Variants in NRG2 observed in about 807,000 individuals in gnomAD.
NRG2 encodes the protein pro-neuregulin-2, membrane-bound isoform.
A neutral mutation model predicts 73.9 loss-of-function variants in NRG2; 27 were observed. The observed-to-expected ratio is 0.37, with a 90% confidence interval of 0.27 to 0.50. The LOEUF (loss-of-function observed/expected upper bound fraction) is 0.50. Among genes scored for constraint, NRG2 ranks in the 20% least tolerant of loss-of-function variants. The pLI is 0.96. For synonymous variants in NRG2, 532 were observed against 541.0 expected (o/e 0.98, Z 0.23); for missense variants, 1,126 against 1,210.1 (o/e 0.93, Z 1.03).
intron 9 of NRG2, 78 bp from the exon 10 acceptor site, chr5:139,848,775 G>GGGGGGGGGGGT: frequency 3.3e-6 from 2 of 601,720 alleles, no homozygotes; most frequent in Non-Finnish European, 2.4e-6. Context: ...GTGGGGTAGG[G>GGGGGGGGGGGT]TGGGAGGGGC....
chr5:139,848,200 C>T lies in NRG2; in HGVS notation c.2270G>A (p.Arg757Gln), dbSNP rs1412099217. 4 of 1,315,340 alleles carry T rather than the reference C, an allele frequency of 3.0e-6. No individual in the cohort carries two copies. The highest frequency in any genetic ancestry group is 4.0e-5 in the South Asian group (2 of 49,936). The allele number at this position is 1,315,340 out of a possible 1,614,324, so 81.5% of individuals were successfully genotyped here. The change falls in exon 10 of 10, where the codon CGG (arginine) becomes CAG (glutamine). Residue 757 changes from arginine (R) to glutamine (Q), a missense_variant. Physicochemically the swap from Arg to Gln is conservative, Grantham distance 43. Transcript: ENST00000361474. ...CAGCGACAGCGAGTCCCTCGCCGCC[C>T]GTGCGCGCTGCGCCGCCAGCCCGTT... ...RLNGLAAQRA[R>Q]AARDSLSLSS...
Position 140,042,660 on chromosome 5 carries a change from C to G in NRG2, c.410G>C (p.Gly137Ala). Reference protein sequence around the residue: ...APVVVEGKVQGLVPAGGSSSN... With the variant: ...APVVVEGKVQALVPAGGSSSN... ...GCTGGAGCCGCCGGCTGGGACCAGC[C>G]CCTGTACCTTGCCCTCCACCACCAC... The change falls in exon 1 of 10, where the codon GGG becomes GCG. Residue 137 changes from glycine to alanine, a missense_variant. Around this residue, in one of 3 missense-constraint regions of NRG2, gnomAD observed 539 missense variants for 703.2 expected, o/e 0.77. Coordinates refer to ENST00000361474, the MANE Select transcript of NRG2 (RefSeq NM_004883.3). The G allele has an allele frequency of 6.3e-7, 1 of 1,596,302 alleles. No homozygotes were observed. Among genetic ancestry groups the G allele is most frequent in the Non-Finnish European group, 8.5e-7 (1 of 1,172,400 alleles).
Position 140,042,995 on chromosome 5 carries a change from G to C in NRG2, c.75C>G (p.Ser25Arg). The C allele has an allele frequency of 6.4e-7, 1 of 1,563,006 alleles. No individual in the cohort carries two copies. ...TGCTCCTCTCGCTGCTGCTGCTGCTGCTGTCGCTGTAGCTGCTGCACCGAC... is the reference window on the plus strand; with the variant it reads ...TGCTCCTCTCGCTGCTGCTGCTGCTCCTGTCGCTGTAGCTGCTGCACCGAC... ...EKGRCSSYSD[S>R]SSSSSERSSS... Residue 25 changes from serine (S) to arginine (R), a missense_variant, in exon 1 of 10, where the codon AGC (serine) becomes AGG (arginine). This residue lies in a region of NRG2 where 185 missense variants were observed against 149.0 expected (regional missense o/e 1.24). Transcript: ENST00000361474.
At chr5:139,867,801 AG>A (rs1762575605) in intron 4 of NRG2, among the ~76,000 whole-genome samples, 38 of 79,536 alleles carry the variant, frequency 4.8e-4, no homozygotes, top group African/African-American at 1.9e-3. Flanking sequence ...TGTGTGTATG[AG>A]TGTGTGTGTG....
chr5:139,990,892 C>T (rs1034969342), intron 1 of NRG2, among the ~76,000 whole-genome samples: 1 of 152,134 alleles, frequency 6.6e-6, no homozygotes, highest in Admixed American at 6.6e-5. Context: ...GTATCCTTAA[C>T]ACTAATCCTT....
At chr5:139,909,096 C>A (rs1411572022) in intron 1 of NRG2, among the ~76,000 whole-genome samples, 1 of 152,198 alleles carries the variant, frequency 6.6e-6, no homozygotes, top group Non-Finnish European at 1.5e-5. Context: ...CCAAAAAGAC[C>A]CACCCTATTT....
chr5:140,042,314 T>A (rs1245733233), intron 1 of NRG2, 56 bp downstream of exon 1: 1,012 of 453,776 alleles, frequency 2.2e-3, no homozygotes, highest in Non-Finnish European at 2.7e-3. Flanking sequence ...CCCACCCCCA[T>A]TCTCCACCAC....
intron 1 of NRG2, among the ~76,000 whole-genome samples, chr5:139,910,831 C>T (rs1035384587): frequency 1.3e-5 from 2 of 152,140 alleles, no homozygotes; most frequent in African/African-American, 4.8e-5. Context: ...CTTCAGCCCA[C>T]CCAATCCCAA....
Position 139,853,785 on chromosome 5 carries a change from G to A in NRG2, c.1293-758C>T, listed in dbSNP as rs1761629400. Among the ~76,000 whole-genome samples the A allele has an allele frequency of 1.3e-5, 2 of 152,146 alleles. No homozygotes were observed. The highest frequency in any genetic ancestry group is 4.8e-5 in the African/African-American group (2 of 41,420). On this transcript the variant is annotated intron_variant, in intron 6 of 9. Transcript: ENST00000361474. This position sits in a 1 kb window ranked among gnomAD's most constrained non-coding sequence, Gnocchi z 4.1. ...ACCAGAGGCTGGGAAAGGAAGTGGG[G>A]GGTTGGGAGGGAGGTGGGGATGGTT...
intron 4 of NRG2, among the ~76,000 whole-genome samples, chr5:139,866,090 T>C (rs1383984331): frequency 6.6e-6 from 1 of 152,130 alleles, no homozygotes; most frequent in Non-Finnish European, 1.5e-5. Flanking sequence ...GGGCAGGTTT[T>C]CTCATCCAAG....
intron 1 of NRG2, among the ~76,000 whole-genome samples, chr5:139,983,019 G>T (rs1395499262): frequency 6.6e-6 from 1 of 152,198 alleles, no homozygotes; most frequent in Non-Finnish European, 1.5e-5. Flanking sequence ...TAACCTCTCT[G>T]ACAGCTCAGG....
In NRG2 at chr5:139,847,950, G is replaced by A; in HGVS notation, c.2520C>T (p.Pro840=). Residue 840 remains proline (P), a synonymous_variant, in exon 10 of 10, where the codon CCC becomes CCT. Coordinates refer to ENST00000361474, the MANE Select transcript of NRG2 (RefSeq NM_004883.3). ...GCGCCGAGTCCTGCTTGGCCCGCGG[G>A]GGCGGCCCGCGGCTGTGTCTGCTGC... is the stretch of plus-strand genomic sequence containing the variant. The part of the protein sequence containing the change: ...RASSRHSRGP[P]PRAKQDSAPL 2 of 1,505,662 alleles carry A rather than the reference G, an allele frequency of 1.3e-6. No individual in the cohort carries two copies. Among genetic ancestry groups the A allele is most frequent in the Non-Finnish European group, 1.8e-6 (2 of 1,132,386 alleles). The allele number at this position is 1,505,662 out of a possible 1,614,324, so 93.3% of individuals were successfully genotyped here.
At chr5:139,978,501 T>G (rs1290556585) in intron 1 of NRG2, among the ~76,000 whole-genome samples, 1 of 152,202 alleles carries the variant, frequency 6.6e-6, no homozygotes, top group Non-Finnish European at 1.5e-5. Context: ...TTGGTGGGAC[T>G]GTAAACTAGT....
chr5:140,011,250 C>G (rs1297791860), intron 1 of NRG2, among the ~76,000 whole-genome samples: 1 of 152,190 alleles, frequency 6.6e-6, no homozygotes, highest in Non-Finnish European at 1.5e-5. Flanking sequence ...ATGTTATAGC[C>G]TCTTCCTTAA....
At chr5:140,007,944 C>T (rs1024214080) in intron 1 of NRG2, among the ~76,000 whole-genome samples, 4 of 152,198 alleles carry the variant, frequency 2.6e-5, no homozygotes, top group South Asian at 2.1e-4. Flanking sequence ...ATGGCGAAGC[C>T]GATACCTGAA....
At chr5:139,977,670 A>T (rs912397027) in intron 1 of NRG2, among the ~76,000 whole-genome samples, 2 of 151,854 alleles carry the variant, frequency 1.3e-5, no homozygotes, top group Admixed American at 6.5e-5. Context: ...AGCTGGAGGC[A>T]TCACACTACC....
At chr5:140,005,392 A>G (rs1303273307) in intron 1 of NRG2, among the ~76,000 whole-genome samples, 3 of 152,190 alleles carry the variant, frequency 2.0e-5, no homozygotes, top group Non-Finnish European at 4.4e-5. Context: ...TGGCAAAACC[A>G]ACACTGATCC....
Position 139,944,161 on chromosome 5 carries a change from C to T in NRG2, c.701-56650G>A, listed in dbSNP as rs144753964. 6.3e-4 allele frequency among the ~76,000 whole-genome samples: 95 copies of T among 151,448 alleles called. No individual in the cohort carries two copies. The East Asian group carries it at 0.014, about 22-fold the overall frequency. On this transcript the variant is annotated intron_variant, in intron 1 of 9. Coordinates refer to ENST00000361474, the MANE Select transcript of NRG2 (RefSeq NM_004883.3). ...TCAATTCACTCTCAGATGATACGAT[C>T]TTTAAAAAAAAAATGTTTCAACACA...
At chr5:139,903,151 C>A (rs1764996549) in intron 1 of NRG2, among the ~76,000 whole-genome samples, 1 of 152,156 alleles carries the variant, frequency 6.6e-6, no homozygotes, top group Non-Finnish European at 1.5e-5. Context: ...CCGTCAAACG[C>A]TCTTTTGAAG....
Sources: gnomAD v4.1 joint callset for allele counts (sites outside exome capture counted in the v4.1 genomes callset) on GRCh38, gnomAD v4.1.1 for gene constraint, gnomAD v4.1.1 regional missense constraint, Gnocchi (gnomAD v3.1) non-coding constraint, MANE v1.5 for transcripts, NCBI Gene and HGNC (gene_info 2026-07-23, HGNC 2026-07-21) for gene names.